CLRN1: variants seen among roughly 807,000 people sequenced by gnomAD.
CLRN1 encodes clarin-1.
Under a neutral mutation model 18.7 loss-of-function variants are expected in CLRN1, and 15 were observed. That is an observed-to-expected ratio of 0.80 (90% CI 0.54 to 1.23). The LOEUF is 1.23. Ranked by LOEUF, CLRN1 falls within the 50% of genes most tolerant of loss-of-function variation. The pLI, the probability that CLRN1 is intolerant of heterozygous loss-of-function variation, is 0.00. For missense variants in CLRN1, 311 were observed against 277.5 expected, an observed-to-expected ratio of 1.12 and a Z score of -0.86; for synonymous variants, 104 against 102.9, an observed-to-expected ratio of 1.01 and a Z score of -0.07.
chr3:150,927,904 C>T lies in CLRN1; in HGVS notation c.*32G>A, dbSNP rs375183230. ...TCTAAAAGTGACCAAAGCAAGTCTA[C>T]TCCCTTGTAAAATTATAGAAAGGTT... is the stretch of plus-strand genomic sequence containing the variant. On this transcript the variant is annotated 3_prime_UTR_variant, in exon 3 of 3. Transcript: ENST00000327047. The T allele has an allele frequency of 2.5e-6, 4 of 1,613,446 alleles. No individual in the cohort carries two copies. The highest frequency in any genetic ancestry group is 2.2e-5 in the East Asian group (1 of 44,866).
intron 1 of CLRN1, among the ~76,000 whole-genome samples, chr3:150,947,787 T>G (rs1007869819): frequency 1.3e-5 from 2 of 152,182 alleles, no homozygotes; most frequent in African/African-American, 4.8e-5. Context: ...TTAAACAACA[T>G]GTTCCTGAAT....
intron 1 of CLRN1, among the ~76,000 whole-genome samples, chr3:150,968,310 C>T (rs752167936): frequency 6.6e-6 from 1 of 152,124 alleles, no homozygotes; most frequent in African/African-American, 2.4e-5. Context: ...GTTTAAACAT[C>T]ATCATTAAAA....
At chr3:150,928,505 T>C (rs1044822855) in intron 2 of CLRN1, among the ~76,000 whole-genome samples, 1 of 152,174 alleles carries the variant, frequency 6.6e-6, no homozygotes, top group African/African-American at 2.4e-5. Context: ...CCTCTTTGCA[T>C]GATGTGAAGG....
intron 1 of CLRN1, among the ~76,000 whole-genome samples, chr3:150,969,609 A>G (rs1353535412): frequency 6.6e-6 from 1 of 152,112 alleles, no homozygotes; most frequent in East Asian, 1.9e-4. Flanking sequence ...TACAGGCGTG[A>G]GCCACTGCAC....
At position 150,959,725 on chromosome 3, in the gene CLRN1, A is replaced by C. The variant is rs564741205; in HGVS notation, c.253+12731T>G. Among the ~76,000 whole-genome samples, 19 of 151,716 alleles carry C rather than the reference A, an allele frequency of 1.3e-4. No homozygotes were observed. In the East Asian group the frequency reaches 1.9e-3, roughly 15 times the overall value. On this transcript the variant is annotated intron_variant, in intron 1 of 2. Coordinates refer to ENST00000327047, the MANE Select transcript of CLRN1 (RefSeq NM_174878.3). ...GTATGTTCCTTTATTGTCTGCCATT[A>C]ATCTGTGTTTTATTTGATATTTCTA...
chr3:150,944,258 G>C (rs1714031110), intron 1 of CLRN1: 1 of 290,746 alleles, frequency 3.4e-6, no homozygotes, highest in Admixed American at 4.4e-5. Flanking sequence ...ATTGTGCTGG[G>C]AACAGATTGT....
Position 150,927,747 on chromosome 3 carries a change from C to A in CLRN1, c.*189G>T. 3.6e-6 allele frequency: 3 copies of A among 834,392 alleles called. No homozygotes were observed. The highest frequency in any genetic ancestry group is 5.9e-6 in the Non-Finnish European group (3 of 510,992). The allele number at this position is 834,392 out of a possible 1,614,324, so 51.7% of individuals were successfully genotyped here. A position where few individuals can be genotyped will look rare whatever the true frequency, so the allele number is the denominator to read the frequency against. On this transcript the variant is annotated 3_prime_UTR_variant, in exon 3 of 3. Transcript: ENST00000327047. ...AGCAATTTCCCACCAGATAAAACAA[C>A]TTTTCAAAGCCTTCCTTCTGCTTCC...
intron 1 of CLRN1, among the ~76,000 whole-genome samples, chr3:150,971,745 T>A (rs1415007959): frequency 6.6e-6 from 1 of 152,248 alleles, no homozygotes; most frequent in Admixed American, 6.5e-5. Flanking sequence ...TGGTAATTTT[T>A]AAAAATTCTC....
At chr3:150,945,143 C>G (rs990091115) in intron 1 of CLRN1, among the ~76,000 whole-genome samples, 2 of 152,194 alleles carry the variant, frequency 1.3e-5, no homozygotes, top group African/African-American at 4.8e-5. Context: ...TCAATGACCT[C>G]TCCCTAGTCC....
intron 1 of CLRN1, among the ~76,000 whole-genome samples, chr3:150,964,028 A>G (rs1489307943): frequency 1.3e-5 from 2 of 152,348 alleles, no homozygotes; most frequent in East Asian, 3.9e-4. Context: ...ACTAAACACC[A>G]AAAGCAATGG....
At chr3:150,951,633 C>A (rs376214688) in intron 1 of CLRN1, among the ~76,000 whole-genome samples, 2 of 152,124 alleles carry the variant, frequency 1.3e-5, no homozygotes, top group Admixed American at 6.5e-5. Flanking sequence ...TCACCGCGCC[C>A]GGCCTGAGAC....
intron 1 of CLRN1, among the ~76,000 whole-genome samples, chr3:150,965,936 A>T (rs375253592): frequency 4.9e-4 from 75 of 152,386 alleles, no homozygotes; most frequent in Middle Eastern, 3.4e-3. Context: ...GGTAGGCAGA[A>T]CCAGAAGTTC....
chr3:150,928,295 C>T, intron 2 of CLRN1, 94 bp from the exon 3 acceptor site: 2 of 1,432,052 alleles, frequency 1.4e-6, no homozygotes, highest in Non-Finnish European at 1.9e-6. Flanking sequence ...ATTCTCTTAC[C>T]ATCATCCCCA....
In CLRN1 at chr3:150,943,916, C is replaced by T. The variant is rs1390450053; in HGVS notation, c.254-2155G>A. On this transcript the variant is annotated intron_variant, in intron 1 of 2. Transcript: ENST00000327047. Reference sequence around the variant, plus strand: ...TCGTTCACTCGTGTGCTCCCTCCTGCAAGAGGTTGAGCAGGGCAGGCTGAG... The same window carrying T: ...TCGTTCACTCGTGTGCTCCCTCCTGTAAGAGGTTGAGCAGGGCAGGCTGAG... 4 of 1,612,310 alleles carry T rather than the reference C, an allele frequency of 2.5e-6. No homozygotes were observed. In the African/African-American group the frequency reaches 5.3e-5, roughly 22 times the overall value.
chr3:150,943,586 A>G (rs1713982000), intron 1 of CLRN1, among the ~76,000 whole-genome samples: 1 of 152,202 alleles, frequency 6.6e-6, no homozygotes, highest in Non-Finnish European at 1.5e-5. Flanking sequence ...CCTTCAGTTC[A>G]TCTGTGTGAC....
chr3:150,938,748 A>T (rs1713632703), intron 2 of CLRN1, among the ~76,000 whole-genome samples: 2 of 152,074 alleles, frequency 1.3e-5, no homozygotes, highest in Non-Finnish European at 2.9e-5. Flanking sequence ...TCCTTCCCTG[A>T]TTCACAAACC....
intron 1 of CLRN1, among the ~76,000 whole-genome samples, chr3:150,964,093 G>A (rs55651839): frequency 0.18 from 27,547 of 152,004 alleles, 2,757 homozygotes; most frequent in East Asian, 0.39. Context: ...AAACTTCTGC[G>A]CAGCAAAAGA....
At chr3:150,942,153 G>A (rs1485907820) in intron 1 of CLRN1, among the ~76,000 whole-genome samples, 1 of 151,904 alleles carries the variant, frequency 6.6e-6, no homozygotes, top group Non-Finnish European at 1.5e-5. Flanking sequence ...GGAGATATCT[G>A]GGGATATCTG....
chr3:150,933,381 G>T (rs1193997446), intron 2 of CLRN1, among the ~76,000 whole-genome samples: 1 of 152,136 alleles, frequency 6.6e-6, no homozygotes, highest in Non-Finnish European at 1.5e-5. Context: ...GGATAGGAAG[G>T]CTGGGGAGGG....
Sources: allele counts gnomAD v4.1 joint callset (sites outside exome capture counted in the v4.1 genomes callset), GRCh38; gene constraint gnomAD v4.1.1; transcripts MANE v1.5; gene names NCBI Gene and HGNC (gene_info 2026-07-23, HGNC 2026-07-21).